Variants in WDR43 observed in about 807,000 individuals in gnomAD.
WDR43 encodes the protein WD repeat domain 43.
In WDR43, 13 loss-of-function variants were observed where a neutral mutation model predicts 91.4. That is an observed-to-expected ratio of 0.14 (90% CI 0.09 to 0.23). The LOEUF (loss-of-function observed/expected upper bound fraction) is 0.23. Ranked by LOEUF, WDR43 falls within the 10% of genes least tolerant of loss-of-function variation. The pLI, the probability that WDR43 is intolerant of heterozygous loss-of-function variation, is 1.00. For missense variants in WDR43, 780 were observed against 809.4 expected (o/e 0.96, Z 0.44); for synonymous variants, 331 against 287.9 (o/e 1.15, Z -1.51).
At chr2:28,935,747 C>CAAA (rs58846266) in intron 12 of WDR43, 140 bp downstream of exon 12, 7 of 243,884 alleles carry the variant, frequency 2.9e-5, no homozygotes, top group Non-Finnish European at 3.0e-5. Context: ...GTACTTTAGA[C>CAAA]AAAAAAAAAA....
chr2:28,897,636 A>G (rs150893547), intron 1 of WDR43, among the ~76,000 whole-genome samples: 10 of 152,332 alleles, frequency 6.6e-5, no homozygotes, highest in African/African-American at 2.4e-4. Flanking sequence ...AATTTGTAAG[A>G]AAAGTATTCT....
At chr2:28,904,577 G>A (rs1350676141) in intron 2 of WDR43, among the ~76,000 whole-genome samples, 1 of 152,140 alleles carries the variant, frequency 6.6e-6, no homozygotes, top group African/African-American at 2.4e-5. Context: ...GACTAAAAAT[G>A]CCACTTTGTT....
At chr2:28,917,616 T>C (rs557222282) in intron 5 of WDR43, among the ~76,000 whole-genome samples, 26 of 152,330 alleles carry the variant, frequency 1.7e-4, no homozygotes, top group African/African-American at 6.3e-4. Context: ...AGTGTCAGGA[T>C]AGACAGACAG....
rs1157795712 is a variant in WDR43 at position 28,926,544 on chromosome 2, C to G, written c.1163C>G (p.Ala388Gly). Residue 388 changes from alanine (A) to glycine (G), a missense_variant, in exon 9 of 18, where the codon GCT becomes GGT. Physicochemically the swap from Ala to Gly is moderately conservative, Grantham distance 60 (BLOSUM62 0). This residue lies in a region of WDR43 where 426 missense variants were observed against 467.8 expected (regional missense o/e 0.91). Transcript: ENST00000407426. The part of the protein sequence containing the change: ...SNCWAPKVET[A>G]ITKVRTPVMN... The stretch of plus-strand genomic sequence containing the variant: ...TGCTGGGCCCCCAAAGTAGAAACAG[C>G]TATAACAAAGGTGAGCACATTACAA... 1 of 1,592,522 alleles carries G rather than the reference C, an allele frequency of 6.3e-7. No homozygotes were observed. The highest frequency in any genetic ancestry group is 1.3e-5 in the African/African-American group (1 of 74,436).
At position 28,894,738 on chromosome 2, in the gene WDR43, C is replaced by T. The variant is rs929104130; in HGVS notation, c.40C>T (p.Pro14Ser). Residue 14 changes from proline to serine, a missense_variant, in exon 1 of 18, where the codon CCT becomes TCT. Pro to Ser is a moderately conservative substitution (Grantham distance 74). Around this residue, in one of 4 missense-constraint regions of WDR43, gnomAD observed 175 missense variants for 113.8 expected, o/e 1.54. Transcript: ENST00000407426. ...CGGCGGTAGCTGCGACCCCCTGGCC[C>T]CTGCTGGGGTCCCTTGCGCCTTCTC... is the stretch of plus-strand genomic sequence containing the variant. ...GGGGSCDPLA[P>S]AGVPCAFSPH... The T allele has an allele frequency of 3.8e-6, 6 of 1,588,024 alleles. No homozygotes were observed. Among genetic ancestry groups the T allele is most frequent in the Non-Finnish European group, 5.1e-6 (6 of 1,168,232 alleles).
intron 11 of WDR43, among the ~76,000 whole-genome samples, chr2:28,931,313 C>G (rs6748848): frequency 6.6e-6 from 1 of 152,202 alleles, no homozygotes; most frequent in African/African-American, 2.4e-5. Context: ...AACTCCTGAG[C>G]TCGTGATCCA....
intron 6 of WDR43, among the ~76,000 whole-genome samples, chr2:28,920,966 T>C (rs1671012896): frequency 6.6e-6 from 1 of 151,954 alleles, no homozygotes; most frequent in East Asian, 1.9e-4. Flanking sequence ...TGTGAGCCAT[T>C]GTGCCTGGGC....
rs890724768 is a variant in WDR43 at position 28,947,902 on chromosome 2, G to A, written c.*1123G>A. 3 of 130,118 alleles carry A rather than the reference G, an allele frequency of 2.3e-5. No homozygotes were observed. The highest frequency in any genetic ancestry group is 5.7e-5 in the African/African-American group (2 of 34,948). 8.1% of individuals were successfully genotyped at this position (130,118 alleles called of 1,614,324 possible). ...TTTTTTTTTTTTTAAAGAATGAGCCGATATTGGCTTAGTGCTCACTAGGGG... is the reference window on the plus strand; with the variant it reads ...TTTTTTTTTTTTTAAAGAATGAGCCAATATTGGCTTAGTGCTCACTAGGGG... On this transcript the variant is annotated 3_prime_UTR_variant, in exon 18 of 18. Transcript: ENST00000407426.
chr2:28,895,225 C>T (rs1670454422), intron 1 of WDR43: 1 of 291,298 alleles, frequency 3.4e-6, no homozygotes, highest in East Asian at 5.9e-5. Flanking sequence ...CCCCTGGTCC[C>T]CCTGGGGCGG....
chr2:28,902,241 T>G, intron 2 of WDR43, 117 bp downstream of exon 2: 1 of 1,041,886 alleles, frequency 9.6e-7, no homozygotes. Context: ...GGGACAGTTT[T>G]CAGTCTCATC....
rs753117043 is a variant in WDR43 at position 28,929,726 on chromosome 2, T to C, written c.1437+16T>C. On this transcript the variant is annotated intron_variant, in intron 11 of 17. Coordinates refer to ENST00000407426, the MANE Select transcript of WDR43 (RefSeq NM_015131.3). ...AATGCTAAATGTAAGTATATAGCAA[T>C]TTTTAACTAAATTAACATGGTTAAT... is the stretch of plus-strand genomic sequence containing the variant. The C allele has an allele frequency of 3.7e-6, 6 of 1,604,752 alleles. No homozygotes were observed. The African/African-American group carries it at 8.0e-5, about 22-fold the overall frequency.
chr2:28,930,742 T>C (rs749697496), intron 11 of WDR43, among the ~76,000 whole-genome samples: 1 of 152,198 alleles, frequency 6.6e-6, no homozygotes, highest in Non-Finnish European at 1.5e-5. Flanking sequence ...CAAGTACAAA[T>C]TTTTTCTTTT....
chr2:28,917,899 C>G lies in WDR43; in HGVS notation c.753C>G (p.Val251=). The G allele has an allele frequency of 6.3e-7, 1 of 1,577,042 alleles. No homozygotes were observed. Among genetic ancestry groups the G allele is most frequent in the Non-Finnish European group, 8.6e-7 (1 of 1,160,420 alleles). ...VHDRLLNVWQ[V]RSENKEKSAV... ...TGCTGGTTTTGTTATCTAGGCAGGT[C>G]CGATCAGAAAACAAAGAAAAGAGTG... The change falls in exon 6 of 18, where the codon GTC becomes GTG. Residue 251 remains valine (V), a synonymous_variant. Coordinates refer to ENST00000407426, the MANE Select transcript of WDR43 (RefSeq NM_015131.3).
intron 14 of WDR43, among the ~76,000 whole-genome samples, chr2:28,940,059 C>T (rs1287859937): frequency 7.5e-6 from 1 of 134,078 alleles, no homozygotes; most frequent in Non-Finnish European, 1.5e-5. Context: ...TTGCAGTGAG[C>T]ATAGTTCATG....
At chr2:28,912,077 TG>T (rs1258966968) in intron 3 of WDR43, among the ~76,000 whole-genome samples, 1 of 152,180 alleles carries the variant, frequency 6.6e-6, no homozygotes, top group East Asian at 1.9e-4. Flanking sequence ...CCTGTCAGAT[TG>T]GGGTACATTC....
intron 14 of WDR43, among the ~76,000 whole-genome samples, chr2:28,940,232 C>T (rs1166039424): frequency 1.4e-5 from 2 of 143,040 alleles, no homozygotes; most frequent in Non-Finnish European, 3.1e-5. Context: ...TGTTCTTTTT[C>T]TTTTTTTTTT....
chr2:28,899,499 A>G (rs1166834598), intron 1 of WDR43, among the ~76,000 whole-genome samples: 1 of 152,208 alleles, frequency 6.6e-6, no homozygotes, highest in Non-Finnish European at 1.5e-5. Context: ...GTGTTAACCT[A>G]AGGATGGAAT....
intron 6 of WDR43, 96 bp from the exon 7 acceptor site, chr2:28,922,823 G>A: frequency 2.2e-6 from 1 of 448,562 alleles, no homozygotes; most frequent in East Asian, 3.7e-5. Context: ...TTCTGGTTGT[G>A]TAATGGGGTG....
intron 4 of WDR43, 120 bp downstream of exon 4, chr2:28,912,830 A>C (rs774004106): frequency 1.5e-6 from 2 of 1,347,718 alleles, no homozygotes; most frequent in Non-Finnish European, 2.0e-6. Context: ...AGGTACATCA[A>C]ATAGTTTAGT....
Sources: allele counts gnomAD v4.1 joint callset (sites outside exome capture counted in the v4.1 genomes callset), GRCh38; gene constraint gnomAD v4.1.1; regional missense constraint gnomAD v4.1.1; transcripts MANE v1.5; gene names NCBI Gene and HGNC (gene_info 2026-07-23, HGNC 2026-07-21).